The following PI4K2B variants were observed in gnomAD, a reference collection of about 807,000 sequenced individuals.
PI4K2B encodes the protein phosphatidylinositol 4-kinase type 2 beta.
PI4K2B carries 46 observed loss-of-function variants against 56.6 expected under a neutral mutation model. The ratio of observed to expected loss-of-function variants is 0.81; its 90% CI spans 0.64 to 1.04. The LOEUF (loss-of-function observed/expected upper bound fraction) is 1.04, where lower values mean the gene tolerates loss of function less well. Among genes scored for constraint, PI4K2B ranks in the 50% least tolerant of loss-of-function variants. The probability of loss-of-function intolerance (pLI) is 0.00; values close to 1 mark genes in which losing one functional copy is unlikely to be tolerated. For missense variants in PI4K2B, 556 were observed against 607.7 expected (o/e 0.91, Z 0.89); for synonymous variants, 211 against 223.8 (o/e 0.94, Z 0.51).
intron 7 of PI4K2B, among the ~76,000 whole-genome samples, chr4:25,267,416 G>A (rs980010655): frequency 6.6e-6 from 1 of 152,256 alleles, no homozygotes; most frequent in East Asian, 1.9e-4. Flanking sequence ...AGAGCCAGGC[G>A]CTGAGGCGCA....
chr4:25,251,807 T>TGTA (rs1236360417), intron 1 of PI4K2B, among the ~76,000 whole-genome samples: 3 of 58,854 alleles, frequency 5.1e-5, no homozygotes, highest in Non-Finnish European at 7.2e-5. Context: ...CTTCCTCCCA[T>TGTA]GTTGTTGTTG....
chr4:25,268,782 T>C (rs1263370316), intron 8 of PI4K2B, among the ~76,000 whole-genome samples: 1 of 152,232 alleles, frequency 6.6e-6, no homozygotes. Context: ...GAAGTGAGAC[T>C]ACATTAAAAC....
intron 1 of PI4K2B, among the ~76,000 whole-genome samples, chr4:25,247,273 A>G (rs143121463): frequency 2.0e-5 from 3 of 152,398 alleles, no homozygotes; most frequent in East Asian, 3.8e-4. Context: ...ACCATTTTCC[A>G]TAAGTGAGCT....
intron 7 of PI4K2B, 53 bp from the exon 8 acceptor site, chr4:25,268,390 G>A (rs1439637761): frequency 2.0e-6 from 3 of 1,469,828 alleles, no homozygotes; most frequent in Non-Finnish European, 9.3e-7. Context: ...AAAAATGTAA[G>A]TCTAAATAAA....
chr4:25,238,933 T>C (rs1281022777), intron 1 of PI4K2B, among the ~76,000 whole-genome samples: 1 of 152,140 alleles, frequency 6.6e-6, no homozygotes, highest in Non-Finnish European at 1.5e-5. Flanking sequence ...AGAGCACTGA[T>C]TGGTCTGTTT....
In PI4K2B at chr4:25,278,720, G is replaced by A. The variant is rs1425258646; in HGVS notation, c.*1533G>A. 1.3e-5 allele frequency: 2 copies of A among 152,596 alleles called. No homozygotes were observed. Among genetic ancestry groups the A allele is most frequent in the African/African-American group, 2.4e-5 (1 of 41,438 alleles). The allele number at this position is 152,596 out of a possible 1,614,324, so 9.5% of individuals were successfully genotyped here. A position where few individuals can be genotyped will look rare whatever the true frequency, so the allele number is the denominator to read the frequency against. On this transcript the variant is annotated 3_prime_UTR_variant, in exon 10 of 10. Coordinates refer to ENST00000264864, the MANE Select transcript of PI4K2B (RefSeq NM_018323.4). ...AGATATAAACACTAGTAATTAAAATGTGCCTTTTGAAGATGTTTTCTAAGA... is the reference window on the plus strand; with the variant it reads ...AGATATAAACACTAGTAATTAAAATATGCCTTTTGAAGATGTTTTCTAAGA...
Position 25,234,296 on chromosome 4 carries a change from A to G in PI4K2B, c.133A>G (p.Ser45Gly), listed in dbSNP as rs1000648965. The change falls in exon 1 of 10, where the codon AGC becomes GGC. Residue 45 changes from serine (S) to glycine (G), a missense_variant. Transcript: ENST00000264864. The stretch of plus-strand genomic sequence containing the variant: ...CCACCCGCGGAGAGGCGCCCCAGGC[A>G]GCGCCGTGAGGCTGCTGGACGCTGC... ...WAHPRRGAPG[S>G]AVRLLDAAGE... 7.8e-6 allele frequency: 11 copies of G among 1,418,614 alleles called. No individual in the cohort carries two copies. In the African/African-American group the frequency reaches 1.3e-4, roughly 17 times the overall value. The allele number at this position is 1,418,614 out of a possible 1,614,324, so 87.9% of individuals were successfully genotyped here.
At chr4:25,248,959 G>A (rs890305806) in intron 1 of PI4K2B, among the ~76,000 whole-genome samples, 37 of 151,974 alleles carry the variant, frequency 2.4e-4, no homozygotes, top group African/African-American at 9.0e-4. Flanking sequence ...GGGCCCTGCC[G>A]CCTTCCGCAG....
rs188008378 is a variant in PI4K2B, at chr4:25,246,045, G to A, written c.269-6276G>A. Among the ~76,000 whole-genome samples, 20 of 152,202 alleles carry A rather than the reference G, an allele frequency of 1.3e-4. No individual in the cohort carries two copies. In the East Asian group the frequency reaches 2.9e-3, roughly 22 times the overall value. On this transcript the variant is annotated intron_variant, in intron 1 of 9. Coordinates refer to ENST00000264864, the MANE Select transcript of PI4K2B (RefSeq NM_018323.4). ...TTCCTTCTGATGTTCGGATGTGTTC[G>A]GAGTTTCTTTCTTCTGGTGGGTTCG...
At chr4:25,253,931 C>T (rs573538105) in intron 2 of PI4K2B, among the ~76,000 whole-genome samples, 18 of 152,210 alleles carry the variant, frequency 1.2e-4, no homozygotes, top group African/African-American at 4.1e-4. Context: ...GCCACCACGC[C>T]GAGCTAATTG....
At position 25,277,139 on chromosome 4, in the gene PI4K2B, C is replaced by G; in HGVS notation, c.1398C>G (p.Ser466=). ...GTCGGATTGTCCACCTGAGCAATTC[C>G]TTTACCCAGACTGTCAATTGCAGGA... is the stretch of plus-strand genomic sequence containing the variant. The part of the protein sequence containing the change: ...SQGRIVHLSN[S]FTQTVNCRKP... Residue 466 remains serine (S), a synonymous_variant, in exon 10 of 10, where the codon TCC becomes TCG. Coordinates refer to ENST00000264864, the MANE Select transcript of PI4K2B (RefSeq NM_018323.4). The G allele has an allele frequency of 6.2e-7, 1 of 1,613,712 alleles. No homozygotes were observed. The highest frequency in any genetic ancestry group is 8.5e-7 in the Non-Finnish European group (1 of 1,179,730).
At chr4:25,256,736 G>A (rs1162193781) in intron 4 of PI4K2B, 62 bp downstream of exon 4, 21 of 1,460,964 alleles carry the variant, frequency 1.4e-5, no homozygotes, top group Non-Finnish European at 2.0e-5. Context: ...TGAGCTCTAG[G>A]AGCCAGGCAT....
chr4:25,251,448 G>A (rs1716047061), intron 1 of PI4K2B, among the ~76,000 whole-genome samples: 1 of 152,108 alleles, frequency 6.6e-6, no homozygotes, highest in Non-Finnish European at 1.5e-5. Flanking sequence ...CCATGATGAA[G>A]GGAGAAAGAA....
intron 7 of PI4K2B, chr4:25,268,000 C>A (rs1716727592): frequency 3.6e-6 from 1 of 280,292 alleles, no homozygotes; most frequent in Non-Finnish European, 5.4e-6. Flanking sequence ...GTGGGAGAAT[C>A]CCTTGAGTCC....
chr4:25,258,213 C>CTTTTTTTTTTTTTTTTTTTTTTTTT (rs545122643), intron 4 of PI4K2B, among the ~76,000 whole-genome samples: 1 of 119,014 alleles, frequency 8.4e-6, no homozygotes, highest in Non-Finnish European at 1.8e-5. Flanking sequence ...GGAATCTGTC[C>CTTTTTTTTTTTTTTTTTTTTTTTTT]TTTTTTTTTT....
chr4:25,266,028 CTT>C (rs570733940), intron 7 of PI4K2B, among the ~76,000 whole-genome samples: 4 of 134,442 alleles, frequency 3.0e-5, no homozygotes, highest in Non-Finnish European at 3.3e-5. Flanking sequence ...CTGGTGGCTT[CTT>C]TTTTTTTTTT....
In PI4K2B at chr4:25,276,926, A is replaced by G. The variant is rs190846434; in HGVS notation, c.1273-88A>G. On this transcript the variant is annotated intron_variant, in intron 9 of 9. Coordinates refer to ENST00000264864, the MANE Select transcript of PI4K2B (RefSeq NM_018323.4). Reference sequence around the variant, plus strand: ...TTGCTCATAAATGGATGAAATAAAAATTATAATGAATAAATGGTTTAAAAA... The same window carrying G: ...TTGCTCATAAATGGATGAAATAAAAGTTATAATGAATAAATGGTTTAAAAA... The G allele has an allele frequency of 2.2e-4, 313 of 1,431,778 alleles. 1 individual carries two copies. The East Asian group carries it at 5.2e-3, about 24-fold the overall frequency. The allele number at this position is 1,431,778 out of a possible 1,614,324, so 88.7% of individuals were successfully genotyped here. A position where few individuals can be genotyped will look rare whatever the true frequency, so the allele number is the denominator to read the frequency against.
chr4:25,234,033 A>G lies in PI4K2B; in HGVS notation c.-131A>G. 1 of 796,306 alleles carries G rather than the reference A, an allele frequency of 1.3e-6. No homozygotes were observed. The highest frequency in any genetic ancestry group is 1.7e-6 in the Non-Finnish European group (1 of 591,198). 49.3% of individuals were successfully genotyped at this position (796,306 alleles called of 1,614,324 possible). A position where few individuals can be genotyped will look rare whatever the true frequency, so the allele number is the denominator to read the frequency against. On this transcript the variant is annotated 5_prime_UTR_variant, in exon 1 of 10. Coordinates refer to ENST00000264864, the MANE Select transcript of PI4K2B (RefSeq NM_018323.4). The stretch of plus-strand genomic sequence containing the variant: ...GCGGGACAACCGCTGGGCGGGCGCC[A>G]AGCGTGCCCGTGCGCTGGTGAGGTG...
chr4:25,252,554 CTAAAGATATTTT>C (rs1716102516), intron 2 of PI4K2B, 79 bp downstream of exon 2: 1 of 970,080 alleles, frequency 1.0e-6, no homozygotes, highest in African/African-American at 1.6e-5. Flanking sequence ...TTGTGAGTTT[CTAAAGATATTTT>C]CCTATTAAGT....
Sources: gnomAD v4.1 joint callset for allele counts (sites outside exome capture counted in the v4.1 genomes callset) on GRCh38, gnomAD v4.1.1 for gene constraint, MANE v1.5 for transcripts, NCBI Gene and HGNC (gene_info 2026-07-23, HGNC 2026-07-21) for gene names.